The following WDR35 variants were observed in gnomAD, a reference collection of about 807,000 sequenced individuals.
WDR35 encodes the protein WD repeat domain 35, also known as WD repeat-containing protein 35.
Under a neutral mutation model 158.3 loss-of-function variants are expected in WDR35, and 118 were observed. The observed-to-expected ratio is 0.75, with a 90% confidence interval of 0.64 to 0.87. The LOEUF (loss-of-function observed/expected upper bound fraction) is 0.87, where lower values mean the gene tolerates loss of function less well. Among genes scored for constraint, WDR35 ranks in the 40% least tolerant of loss-of-function variants. The pLI is 0.00. For missense variants in WDR35, 1,263 were observed against 1,405.8 expected (o/e 0.90, Z 1.62); for synonymous variants, 448 against 476.1 (o/e 0.94, Z 0.77).
intron 25 of WDR35, among the ~76,000 whole-genome samples, chr2:19,921,405 G>C (rs186054541): frequency 6.6e-6 from 1 of 152,088 alleles, no homozygotes; most frequent in Admixed American, 6.5e-5. Flanking sequence ...ACAGAATAGA[G>C]GCCTCAGAAA....
chr2:19,975,533 A>C lies in WDR35; in HGVS notation c.567T>G (p.Phe189Leu). 1 of 1,612,682 alleles carries C rather than the reference A, an allele frequency of 6.2e-7. No individual in the cohort carries two copies. Among genetic ancestry groups the C allele is most frequent in the South Asian group, 1.1e-5 (1 of 90,870 alleles). ...EIHIYDNQGN[F>L]MIKMKLSCLV... ...ACTGATGCATACACTTACTTACCAT[A>C]AAATTTCCTTGATTATCGTAAATGT... The change falls in exon 6 of 27, where the codon TTT becomes TTG. Residue 189 changes from phenylalanine (F) to leucine (L), a missense_variant. Phe to Leu is a conservative substitution (Grantham distance 22). Coordinates refer to ENST00000281405, the MANE Select transcript of WDR35 (RefSeq NM_020779.4).
At chr2:19,918,574 GA>G (rs199763837) in intron 25 of WDR35, among the ~76,000 whole-genome samples, 8 of 150,966 alleles carry the variant, frequency 5.3e-5, no homozygotes, top group Non-Finnish European at 1.0e-4. Flanking sequence ...GCAATAATAA[GA>G]AAAAAAAGCA....
chr2:19,920,599 T>A (rs1163268025), intron 25 of WDR35, among the ~76,000 whole-genome samples: 1 of 152,226 alleles, frequency 6.6e-6, no homozygotes, highest in African/African-American at 2.4e-5. Flanking sequence ...AACAGCCATT[T>A]ATGACAAACC....
At chr2:19,951,663 G>T in intron 12 of WDR35, 179 bp from the exon 13 acceptor site, 1 of 510,530 alleles carries the variant, frequency 2.0e-6, no homozygotes, top group South Asian at 3.3e-5. Context: ...TATCTACCAG[G>T]TGTTTACTAG....
In WDR35 at chr2:19,930,625, G is replaced by A. The variant is rs565815225; in HGVS notation, c.2965-73C>T. On this transcript the variant is annotated intron_variant, in intron 24 of 26. Transcript: ENST00000281405. ...CAGTGTCAACTCCCAAATAACAACA[G>A]TCATTAAAGTATCTAAATGAGCAGA... is the stretch of plus-strand genomic sequence containing the variant. 11 of 1,594,394 alleles carry A rather than the reference G, an allele frequency of 6.9e-6. No homozygotes were observed. The South Asian group carries it at 1.1e-4, about 16-fold the overall frequency.
At position 19,980,750 on chromosome 2, in the gene WDR35, T is replaced by C. The variant is rs375383465; in HGVS notation, c.248A>G (p.Tyr83Cys). Reference protein sequence around the residue: ...SVQVVTWNEQYQKLTTSDENG... With the variant: ...SVQVVTWNEQCQKLTTSDENG... ...TTCATCACTGGTAGTCAACTTCTGA[T>C]ACTGCTCATTCCATGTTACAACTTG... Residue 83 changes from tyrosine to cysteine, a missense_variant, in exon 4 of 27, where the codon TAT (tyrosine) becomes TGT (cysteine). Transcript: ENST00000281405. 21 of 1,613,738 alleles carry C rather than the reference T, an allele frequency of 1.3e-5. No individual in the cohort carries two copies. In the South Asian group the frequency reaches 1.3e-4, roughly 10 times the overall value.
At chr2:19,974,167 T>A (rs1672122702) in intron 7 of WDR35, among the ~76,000 whole-genome samples, 1 of 151,846 alleles carries the variant, frequency 6.6e-6, no homozygotes, top group South Asian at 2.1e-4. Context: ...TCCCAGCACT[T>A]TGGGAGGCTG....
At position 19,911,671 on chromosome 2, in the gene WDR35, C is replaced by T. The variant is rs1029023707; in HGVS notation, c.*1887G>A. The T allele has an allele frequency of 1.3e-5, 2 of 152,072 alleles. No homozygotes were observed. The highest frequency in any genetic ancestry group is 2.4e-5 in the African/African-American group (1 of 41,402). The allele number at this position is 152,072 out of a possible 1,614,324, so 9.4% of individuals were successfully genotyped here. A position where few individuals can be genotyped will look rare whatever the true frequency, so the allele number is the denominator to read the frequency against. On this transcript the variant is annotated 3_prime_UTR_variant, in exon 27 of 27. Transcript: ENST00000281405. ...GACTTATTAGGCAAAGTTAATAGAG[C>T]GTGTATGTGTGACCACAGATAGAAA...
chr2:19,939,314 A>G (rs944275901), intron 17 of WDR35, among the ~76,000 whole-genome samples: 10 of 152,204 alleles, frequency 6.6e-5, no homozygotes, highest in African/African-American at 2.2e-4. Context: ...TAAAAATAAT[A>G]TATCTACAAA....
chr2:19,974,306 G>A lies in WDR35; in HGVS notation c.736+162C>T, dbSNP rs752708960. Among the ~76,000 whole-genome samples, 178 of 151,972 alleles carry A rather than the reference G, an allele frequency of 1.2e-3. 1 individual carries two copies. Among genetic ancestry groups the A allele is most frequent in the Non-Finnish European group, 2.1e-3 (145 of 68,008 alleles). On this transcript the variant is annotated intron_variant, in intron 7 of 26. Transcript: ENST00000281405. ...GCCCTGTAGTCCCAGCTACTCGGGA[G>A]GCTGAGGCAGGAAATTCGCTTGAAC...
intron 10 of WDR35, among the ~76,000 whole-genome samples, chr2:19,965,969 C>T (rs1392144623): frequency 6.6e-6 from 1 of 152,094 alleles, no homozygotes. Flanking sequence ...AGGTAATTAC[C>T]GCTAATCCAC....
chr2:19,922,323 T>C (rs2103387272), intron 25 of WDR35, among the ~76,000 whole-genome samples: 1 of 152,322 alleles, frequency 6.6e-6, no homozygotes, highest in African/African-American at 2.4e-5. Flanking sequence ...CCAACCCAAA[T>C]GCCCATCAAT....
In WDR35 at chr2:19,921,650, T is replaced by C. The variant is rs1028055644; in HGVS notation, c.3122-7373A>G. 5.1e-4 allele frequency among the ~76,000 whole-genome samples: 78 copies of C among 152,146 alleles called. 1 individual carries two copies. Among genetic ancestry groups the C allele is most frequent in the African/African-American group, 1.9e-3 (77 of 41,422 alleles). ...CTAGAAGAAAACCTAGGCAATACCA[T>C]TCAGGACATAGGCATGGGCAAAGAC... On this transcript the variant is annotated intron_variant, in intron 25 of 26. Transcript: ENST00000281405.
intron 17 of WDR35, among the ~76,000 whole-genome samples, chr2:19,939,469 T>G (rs2103407600): frequency 6.6e-6 from 1 of 152,298 alleles, no homozygotes; most frequent in Non-Finnish European, 1.5e-5. Context: ...TTCTTTGCAG[T>G]GGAAAAATAT....
At chr2:19,965,058 G>C (rs767542891) in intron 10 of WDR35, among the ~76,000 whole-genome samples, 6 of 152,016 alleles carry the variant, frequency 3.9e-5, no homozygotes, top group Admixed American at 6.5e-5. Flanking sequence ...CGAGTAGCTG[G>C]GTTTACAGGC....
chr2:19,956,842 A>G lies in WDR35; in HGVS notation c.1256-2864T>C, dbSNP rs952214868. 1.3e-5 allele frequency among the ~76,000 whole-genome samples: 2 copies of G among 152,048 alleles called. 1 individual carries two copies. Among genetic ancestry groups the G allele is most frequent in the Admixed American group, 1.3e-4 (2 of 15,268 alleles). ...CACCGTGTTAGCCAGGATGGTCTCG[A>G]TCTCCTGACCTCGTGATCCGCCCGT... On this transcript the variant is annotated intron_variant, in intron 11 of 26. Transcript: ENST00000281405.
At chr2:19,933,882 C>G (rs1670603841) in intron 21 of WDR35, among the ~76,000 whole-genome samples, 1 of 152,180 alleles carries the variant, frequency 6.6e-6, no homozygotes, top group African/African-American at 2.4e-5. Context: ...TAATTATTAA[C>G]TAGAGACTTA....
intron 25 of WDR35, among the ~76,000 whole-genome samples, chr2:19,916,892 C>A (rs1392913887): frequency 2.0e-5 from 3 of 152,242 alleles, no homozygotes; most frequent in African/African-American, 7.2e-5. Flanking sequence ...GGACAGACTG[C>A]CTCCTCAAGT....
At position 19,932,313 on chromosome 2, in the gene WDR35, G is replaced by A. The variant is rs1670550319; in HGVS notation, c.2793C>T (p.Tyr931=). 6 of 1,613,226 alleles carry A rather than the reference G, an allele frequency of 3.7e-6. No individual in the cohort carries two copies. The highest frequency in any genetic ancestry group is 5.1e-6 in the Non-Finnish European group (6 of 1,179,482). ...ACATCAGTTTAGCTGCATCAAAAAA[G>A]TAATTGGCTTTCCGATAGAGTTCTA... ...DAIELYRKAN[Y]FFDAAKLMFK... Residue 931 remains tyrosine, a synonymous_variant, in exon 23 of 27, where the codon TAC becomes TAT. Coordinates refer to ENST00000281405, the MANE Select transcript of WDR35 (RefSeq NM_020779.4).
Sources: allele counts gnomAD v4.1 joint callset (sites outside exome capture counted in the v4.1 genomes callset), GRCh38; gene constraint gnomAD v4.1.1; transcripts MANE v1.5; gene names NCBI Gene and HGNC (gene_info 2026-07-23, HGNC 2026-07-21).